NTRK3: variants seen among roughly 807,000 people sequenced by gnomAD.
The protein encoded by NTRK3 is neurotrophic receptor tyrosine kinase 3.
A neutral mutation model predicts 91.7 loss-of-function variants in NTRK3; 24 were observed. The ratio of observed to expected loss-of-function variants is 0.26; its 90% CI spans 0.19 to 0.37. The LOEUF is 0.37. NTRK3 is among the 10% of genes least tolerant of loss of function. The pLI is 1.00. For missense variants in NTRK3, 880 were observed against 1,068.9 expected, an observed-to-expected ratio of 0.82 and a Z score of 2.46; for synonymous variants, 483 against 404.0, an observed-to-expected ratio of 1.20 and a Z score of -2.34.
chr15:87,912,931 A>ATATATATATATAT lies in NTRK3; in HGVS notation c.2133+16259_2133+16260insATATATATATATA, dbSNP rs1567099538. Reference sequence around the variant, plus strand: ...TTCAACTTTTCAAAAAGTAAAAAAAAATATATATATATATATATATATATA... The same window carrying ATATATATATATAT: ...TTCAACTTTTCAAAAAGTAAAAAAAATATATATATATATATATATATATATATATATATATATA... On this transcript the variant is annotated intron_variant, in intron 17 of 18. Coordinates refer to ENST00000394480, the Ensembl canonical transcript of NTRK3. Among the ~76,000 whole-genome samples the ATATATATATATAT allele has an allele frequency of 1.4e-3, 52 of 36,372 alleles. 1 individual carries two copies. Among genetic ancestry groups the ATATATATATATAT allele is most frequent in the Non-Finnish European group, 1.9e-3 (40 of 21,260 alleles). The allele number at this position is 36,372 out of a possible 152,430, so 23.9% of individuals were successfully genotyped here.
intron 5 of NTRK3, among the ~76,000 whole-genome samples, chr15:88,162,870 AG>A (rs1412934183): frequency 6.6e-6 from 1 of 152,126 alleles, no homozygotes; most frequent in Non-Finnish European, 1.5e-5. Context: ...CAGGAGGATC[AG>A]GGAGACCTCT....
intron 18 of NTRK3, among the ~76,000 whole-genome samples, chr15:87,879,012 G>T (rs546443946): frequency 6.6e-6 from 1 of 151,666 alleles, no homozygotes; most frequent in African/African-American, 2.4e-5. Flanking sequence ...CATAACAAAT[G>T]GGTTCTAGTA....
chr15:88,034,694 G>A (rs987358944), intron 13 of NTRK3, among the ~76,000 whole-genome samples: 3 of 152,182 alleles, frequency 2.0e-5, no homozygotes, highest in African/African-American at 7.2e-5. Flanking sequence ...CAATGAGGCA[G>A]AACTAAATGG....
intron 14 of NTRK3, among the ~76,000 whole-genome samples, chr15:88,025,711 T>A (rs1210786621): frequency 6.6e-6 from 1 of 152,186 alleles, no homozygotes; most frequent in Non-Finnish European, 1.5e-5. Context: ...CCTCCAGAGC[T>A]GTGAGATAAA....
At chr15:88,209,796 T>C (rs1368213204) in intron 3 of NTRK3, among the ~76,000 whole-genome samples, 1 of 152,328 alleles carries the variant, frequency 6.6e-6, no homozygotes, top group African/African-American at 2.4e-5. Flanking sequence ...GTGCCTTCCA[T>C]TGGCCAAACC....
chr15:88,134,193 A>G (rs1279864906), intron 10 of NTRK3, among the ~76,000 whole-genome samples: 3 of 152,200 alleles, frequency 2.0e-5, no homozygotes. Flanking sequence ...TCACTTCCCA[A>G]AATGAAGCAC....
At chr15:88,154,384 T>C (rs896368792) in intron 5 of NTRK3, among the ~76,000 whole-genome samples, 1 of 152,214 alleles carries the variant, frequency 6.6e-6, no homozygotes, top group African/African-American at 2.4e-5. Context: ...GGAGGGCCCA[T>C]GAGCCAACCC....
intron 3 of NTRK3, among the ~76,000 whole-genome samples, chr15:88,248,444 T>C (rs1429785777): frequency 6.6e-6 from 1 of 152,224 alleles, no homozygotes. Context: ...AACTGAAATG[T>C]TGTAAACTAA....
intron 3 of NTRK3, among the ~76,000 whole-genome samples, chr15:88,209,531 A>G (rs1345704302): frequency 6.6e-6 from 1 of 152,252 alleles, no homozygotes; most frequent in Non-Finnish European, 1.5e-5. Flanking sequence ...GTTGCTAAAA[A>G]GCCAAACAGG....
In NTRK3 at chr15:88,234,186, C is replaced by T. The variant is rs2051471618; in HGVS notation, c.248+21720G>A. Among the ~76,000 whole-genome samples the T allele has an allele frequency of 1.3e-5, 2 of 152,208 alleles. No individual in the cohort carries two copies. Among genetic ancestry groups the T allele is most frequent in the Admixed American group, 6.5e-5 (1 of 15,292 alleles). ...CAGCACCCTAGTCCAATCACATCTGCCCCTCTCAGGATCCAAGGTTGTCTC... is the reference window on the plus strand; with the variant it reads ...CAGCACCCTAGTCCAATCACATCTGTCCCTCTCAGGATCCAAGGTTGTCTC... On this transcript the variant is annotated intron_variant, in intron 3 of 18. Coordinates refer to ENST00000394480, the Ensembl canonical transcript of NTRK3. This position sits in a 1 kb window ranked among gnomAD's most constrained non-coding sequence, Gnocchi z 6.1.
intron 14 of NTRK3, among the ~76,000 whole-genome samples, chr15:87,976,314 C>G (rs2073708519): frequency 6.6e-6 from 1 of 152,152 alleles, no homozygotes; most frequent in African/African-American, 2.4e-5. Flanking sequence ...TCAAACCAAA[C>G]TAGACTTAAA....
intron 14 of NTRK3, among the ~76,000 whole-genome samples, chr15:87,973,363 T>C (rs778130419): frequency 1.3e-5 from 2 of 152,208 alleles, no homozygotes; most frequent in Non-Finnish European, 2.9e-5. Flanking sequence ...CTCAGAATCC[T>C]GATGGAATTT....
At chr15:88,093,619 T>C (rs1027768434) in intron 13 of NTRK3, among the ~76,000 whole-genome samples, 13 of 152,332 alleles carry the variant, frequency 8.5e-5, no homozygotes, top group African/African-American at 3.1e-4. Flanking sequence ...CTGTCTCCAA[T>C]GATGCACCTG....
chr15:87,913,916 C>A (rs943208549), intron 17 of NTRK3, among the ~76,000 whole-genome samples: 5 of 152,164 alleles, frequency 3.3e-5, no homozygotes, highest in African/African-American at 1.2e-4. Flanking sequence ...GGGGCACTGG[C>A]TGATCCTGGA....
chr15:87,895,288 C>T lies in NTRK3; in HGVS notation c.2134-14860G>A, dbSNP rs532743870. ...GTACTACTGTACTATAGCATACATA[C>T]ACAAAGGCAAACAAATCAGAAATAT... On this transcript the variant is annotated intron_variant, in intron 17 of 18. Coordinates refer to ENST00000394480, the Ensembl canonical transcript of NTRK3. Among the ~76,000 whole-genome samples, 7 of 152,278 alleles carry T rather than the reference C, an allele frequency of 4.6e-5. No individual in the cohort carries two copies. In the South Asian group the frequency reaches 6.2e-4, roughly 14 times the overall value.
chr15:88,173,072 A>C (rs575411536), intron 5 of NTRK3, among the ~76,000 whole-genome samples: 36 of 152,292 alleles, frequency 2.4e-4, no homozygotes, highest in African/African-American at 7.9e-4. Context: ...GGGGTTCAAT[A>C]ACACATTTGG....
rs144402584 is a variant in NTRK3, at chr15:87,915,921, T to C, written c.2133+13270A>G. Among the ~76,000 whole-genome samples the C allele has an allele frequency of 9.8e-4, 149 of 152,340 alleles. 1 individual carries two copies. The East Asian group carries it at 0.024, about 25-fold the overall frequency. Reference sequence around the variant, plus strand: ...AGAAGCTCAGTGATTCAATTGAATATCTGCCTGACTGCAATGTCAGTGGGT... The same window carrying C: ...AGAAGCTCAGTGATTCAATTGAATACCTGCCTGACTGCAATGTCAGTGGGT... On this transcript the variant is annotated intron_variant, in intron 17 of 18. Coordinates refer to ENST00000394480, the Ensembl canonical transcript of NTRK3.
At chr15:87,907,666 T>C (rs2066853591) in intron 17 of NTRK3, among the ~76,000 whole-genome samples, 1 of 152,118 alleles carries the variant, frequency 6.6e-6, no homozygotes, top group African/African-American at 2.4e-5. Flanking sequence ...GTCTTCTTAG[T>C]CTGGGATGGA....
chr15:88,142,951 A>C (rs2042530550), intron 6 of NTRK3, among the ~76,000 whole-genome samples: 1 of 152,156 alleles, frequency 6.6e-6, no homozygotes, highest in African/African-American at 2.4e-5. Context: ...GCAGTGGCTC[A>C]TGTCTGTAAT....
Sources: allele counts gnomAD v4.1 joint callset (sites outside exome capture counted in the v4.1 genomes callset), GRCh38; gene constraint gnomAD v4.1.1; non-coding constraint Gnocchi (gnomAD v3.1); transcripts MANE v1.5; gene names NCBI Gene and HGNC (gene_info 2026-07-23, HGNC 2026-07-21).